NXPH1: variants seen among roughly 807,000 people sequenced by gnomAD.
NXPH1 encodes neurexophilin 1.
In NXPH1, 5 loss-of-function variants were observed where a neutral mutation model predicts 23.7. The ratio of observed to expected loss-of-function variants is 0.21; its 90% CI spans 0.11 to 0.44. The LOEUF is 0.44. Among genes scored for constraint, NXPH1 ranks in the 20% least tolerant of loss-of-function variants. NXPH1 has a pLI of 0.99. For missense variants in NXPH1, 324 were observed against 321.6 expected (o/e 1.01, Z -0.06); for synonymous variants, 144 against 122.2 (o/e 1.18, Z -1.18).
intron 2 of NXPH1, among the ~76,000 whole-genome samples, chr7:8,674,855 T>C (rs1820924196): frequency 1.3e-5 from 2 of 152,138 alleles, no homozygotes; most frequent in Admixed American, 1.3e-4. Flanking sequence ...TGATGAGGTA[T>C]GAATGCTCAT....
At chr7:8,487,674 A>T (rs1251463179) in intron 2 of NXPH1, among the ~76,000 whole-genome samples, 1 of 152,100 alleles carries the variant, frequency 6.6e-6, no homozygotes, top group Non-Finnish European at 1.5e-5. Flanking sequence ...AAATCTTTTT[A>T]CTTCATTCAC....
At chr7:8,671,158 A>G (rs528881791) in intron 2 of NXPH1, among the ~76,000 whole-genome samples, 19 of 152,326 alleles carry the variant, frequency 1.2e-4, no homozygotes, top group African/African-American at 4.3e-4. Flanking sequence ...TAAATTACAT[A>G]TGCTATTTTT....
intron 2 of NXPH1, among the ~76,000 whole-genome samples, chr7:8,643,570 AT>A (rs1333742390): frequency 1.3e-5 from 2 of 152,048 alleles, no homozygotes; most frequent in Non-Finnish European, 2.9e-5. Flanking sequence ...ATATATTGAG[AT>A]TTTTTTATTA....
intron 2 of NXPH1, among the ~76,000 whole-genome samples, chr7:8,723,278 A>G (rs1354554717): frequency 6.6e-5 from 10 of 152,332 alleles, no homozygotes. Flanking sequence ...AAAGTTTGGC[A>G]GGCTCTGTTC....
At chr7:8,571,498 T>C (rs183344815) in intron 2 of NXPH1, among the ~76,000 whole-genome samples, 49 of 151,868 alleles carry the variant, frequency 3.2e-4, no homozygotes, top group African/African-American at 1.2e-3. Flanking sequence ...GGAAGATCCA[T>C]AAGAAATGGA....
At chr7:8,652,173 A>G (rs1181759112) in intron 2 of NXPH1, among the ~76,000 whole-genome samples, 1 of 152,200 alleles carries the variant, frequency 6.6e-6, no homozygotes, top group African/African-American at 2.4e-5. Flanking sequence ...ATATTTGATG[A>G]AAAAATTTCA....
At chr7:8,536,126 A>C (rs1818021444) in intron 2 of NXPH1, among the ~76,000 whole-genome samples, 1 of 152,086 alleles carries the variant, frequency 6.6e-6, no homozygotes, top group Admixed American at 6.6e-5. Flanking sequence ...TTGAGTTATA[A>C]GAGTGCTAAG....
intron 2 of NXPH1, among the ~76,000 whole-genome samples, chr7:8,437,611 T>G (rs1816219112): frequency 6.6e-6 from 1 of 152,184 alleles, no homozygotes; most frequent in Non-Finnish European, 1.5e-5. Context: ...AAAGCAGAAG[T>G]GAAATCAATA....
intron 2 of NXPH1, among the ~76,000 whole-genome samples, chr7:8,735,503 GA>G (rs1240214516): frequency 1.3e-5 from 2 of 152,160 alleles, no homozygotes; most frequent in East Asian, 1.9e-4. Context: ...GATCATGGTG[GA>G]TAAGCTTTTG....
At chr7:8,479,951 A>G (rs1817045426) in intron 2 of NXPH1, among the ~76,000 whole-genome samples, 1 of 152,182 alleles carries the variant, frequency 6.6e-6, no homozygotes, top group Non-Finnish European at 1.5e-5. Flanking sequence ...AAAGAATGTA[A>G]CATTGATCCT....
chr7:8,733,421 G>T (rs1031838101), intron 2 of NXPH1, among the ~76,000 whole-genome samples: 1 of 152,156 alleles, frequency 6.6e-6, no homozygotes, highest in African/African-American at 2.4e-5. Flanking sequence ...GGGTCAAATT[G>T]TATTTCTGGT....
Position 8,435,576 on chromosome 7 carries a change from T to A in NXPH1, c.-110-28T>A. ...AAGCCTAACCTTGCCCGCGTAGTCATGGGATGTCTAATTTTATTTGCATCT... is the reference window on the plus strand; with the variant it reads ...AAGCCTAACCTTGCCCGCGTAGTCAAGGGATGTCTAATTTTATTTGCATCT... On this transcript the variant is annotated intron_variant, in intron 1 of 2. Coordinates refer to ENST00000405863, the MANE Select transcript of NXPH1 (RefSeq NM_152745.3). The surrounding 1 kb of genome is among the most constrained non-coding windows in gnomAD (Gnocchi z 5.9). The A allele has an allele frequency of 1.3e-6, 1 of 767,760 alleles. No individual in the cohort carries two copies. Among genetic ancestry groups the A allele is most frequent in the Non-Finnish European group, 2.3e-6 (1 of 432,318 alleles). The allele number at this position is 767,760 out of a possible 1,614,324, so 47.6% of individuals were successfully genotyped here.
In NXPH1 at chr7:8,739,654, G is replaced by A. The variant is rs535508961; in HGVS notation, c.55-11354G>A. On this transcript the variant is annotated intron_variant, in intron 2 of 2. Coordinates refer to ENST00000405863, the MANE Select transcript of NXPH1 (RefSeq NM_152745.3). ...TTCTTTAAAATAACCTTAGCATACT[G>A]TACCTTTTTTCTTTATAAACTTTTA... Among the ~76,000 whole-genome samples the A allele has an allele frequency of 3.9e-5, 6 of 152,042 alleles. No homozygotes were observed. In the South Asian group the frequency reaches 1.2e-3, roughly 32 times the overall value.
chr7:8,640,166 C>T (rs768718316), intron 2 of NXPH1, among the ~76,000 whole-genome samples: 3 of 152,112 alleles, frequency 2.0e-5, no homozygotes, highest in Non-Finnish European at 4.4e-5. Flanking sequence ...TGTCAGTGTA[C>T]ATCTTTTTCT....
At chr7:8,725,140 T>A (rs955798732) in intron 2 of NXPH1, among the ~76,000 whole-genome samples, 2 of 152,178 alleles carry the variant, frequency 1.3e-5, no homozygotes, top group African/African-American at 4.8e-5. Context: ...CTTATAGAAA[T>A]AGTGGTGTTT....
intron 2 of NXPH1, among the ~76,000 whole-genome samples, chr7:8,561,426 C>T (rs1287620117): frequency 1.3e-5 from 2 of 151,280 alleles, no homozygotes; most frequent in African/African-American, 4.9e-5. Flanking sequence ...CCCTCCTTCC[C>T]TCCTCTGGGC....
intron 2 of NXPH1, among the ~76,000 whole-genome samples, chr7:8,486,496 T>G (rs1309995601): frequency 6.6e-6 from 1 of 152,196 alleles, no homozygotes; most frequent in Admixed American, 6.5e-5. Flanking sequence ...CTTCTTTTAA[T>G]AAGACTGCCT....
At chr7:8,628,236 C>T (rs187375546) in intron 2 of NXPH1, among the ~76,000 whole-genome samples, 1 of 151,932 alleles carries the variant, frequency 6.6e-6, no homozygotes, top group East Asian at 1.9e-4. Context: ...TGAAAAAGTG[C>T]AAAGAAAAAA....
intron 2 of NXPH1, among the ~76,000 whole-genome samples, chr7:8,634,818 C>G (rs1820193830): frequency 6.6e-6 from 1 of 152,036 alleles, no homozygotes; most frequent in South Asian, 2.1e-4. Context: ...GAACTCCTCT[C>G]TGCCCCAAAT....
Sources: gnomAD v4.1 joint callset for allele counts (sites outside exome capture counted in the v4.1 genomes callset) on GRCh38, gnomAD v4.1.1 for gene constraint, Gnocchi (gnomAD v3.1) non-coding constraint, MANE v1.5 for transcripts, NCBI Gene and HGNC (gene_info 2026-07-23, HGNC 2026-07-21) for gene names.